DIAPH3: variants seen among roughly 807,000 people sequenced by gnomAD.
The protein encoded by DIAPH3 is protein diaphanous homolog 3.
A neutral mutation model predicts 144.3 loss-of-function variants in DIAPH3; 117 were observed. That is an observed-to-expected ratio of 0.81 (90% CI 0.70 to 0.95). The LOEUF is 0.95. DIAPH3 is among the 40% of genes least tolerant of loss of function. The probability of loss-of-function intolerance (pLI) is 0.00; values close to 1 mark genes in which losing one functional copy is unlikely to be tolerated. For synonymous variants in DIAPH3, 519 were observed against 488.9 expected, an observed-to-expected ratio of 1.06 and a Z score of -0.81; for missense variants, 1,421 against 1,412.7, an observed-to-expected ratio of 1.01 and a Z score of -0.09.
At chr13:59,908,166 C>T (rs912531926) in intron 20 of DIAPH3, among the ~76,000 whole-genome samples, 25 of 151,904 alleles carry the variant, frequency 1.6e-4, no homozygotes, top group African/African-American at 6.0e-4. Context: ...GTCAAGAGAT[C>T]AAGACCATCC....
At chr13:59,768,078 A>G (rs1379198436) in intron 27 of DIAPH3, among the ~76,000 whole-genome samples, 1 of 152,152 alleles carries the variant, frequency 6.6e-6, no homozygotes, top group East Asian at 1.9e-4. Context: ...TGTTTGAATA[A>G]ACTGTGAAAT....
intron 5 of DIAPH3, among the ~76,000 whole-genome samples, chr13:60,029,386 A>G (rs1006919565): frequency 4.0e-5 from 6 of 151,746 alleles, no homozygotes; most frequent in African/African-American, 1.5e-4. Context: ...CCTTCAATCA[A>G]TTCTCCCTAA....
At chr13:59,842,581 G>A (rs2042409799) in intron 22 of DIAPH3, among the ~76,000 whole-genome samples, 1 of 151,992 alleles carries the variant, frequency 6.6e-6, no homozygotes, top group Non-Finnish European at 1.5e-5. Flanking sequence ...GTGTCAGGCT[G>A]TACAGGTAGA....
At chr13:60,027,258 A>G (rs1017473272) in intron 5 of DIAPH3, among the ~76,000 whole-genome samples, 6 of 152,198 alleles carry the variant, frequency 3.9e-5, no homozygotes, top group African/African-American at 1.4e-4. Flanking sequence ...CCCAAATTAC[A>G]CTAAATTACA....
intron 21 of DIAPH3, among the ~76,000 whole-genome samples, chr13:59,873,035 A>C (rs1322422664): frequency 6.6e-6 from 1 of 152,244 alleles, no homozygotes; most frequent in Admixed American, 6.5e-5. Flanking sequence ...AGAAAAGCCA[A>C]TTAAATATTT....
At chr13:59,980,680 A>G (rs2050944931) in intron 14 of DIAPH3, 115 bp downstream of exon 14, 1 of 955,550 alleles carries the variant, frequency 1.0e-6, no homozygotes. Flanking sequence ...GCATCTATGC[A>G]CACACCTGAA....
Position 60,093,709 on chromosome 13 carries a change from A to C in DIAPH3, c.414T>G (p.Asp138Glu). 1.2e-6 allele frequency: 2 copies of C among 1,612,034 alleles called. No individual in the cohort carries two copies. The highest frequency in any genetic ancestry group is 1.8e-4 in the Middle Eastern group (1 of 5,656). The change falls in exon 4 of 28, where the codon GAT becomes GAG. Residue 138 changes from aspartate to glutamate, a missense_variant. Physicochemically the swap from Asp to Glu is conservative, Grantham distance 45. Coordinates refer to ENST00000400324, the MANE Select transcript of DIAPH3 (RefSeq NM_001042517.2). The part of the protein sequence containing the change: ...KMMEDMNLNE[D>E]KKAPLREKDF... ...CCTTTTCCCGCAATGGTGCCTTTTT[A>C]TCTTCATTTAAATTCATATCTTCCT...
chr13:60,008,695 A>C, intron 8 of DIAPH3, 46 bp from the exon 9 acceptor site: 1 of 1,162,496 alleles, frequency 8.6e-7, no homozygotes, highest in African/African-American at 1.5e-5. Context: ...GCAAACACAA[A>C]TGCCATAATA....
intron 1 of DIAPH3, among the ~76,000 whole-genome samples, chr13:60,136,472 CAA>C (rs34487556): frequency 3.5e-3 from 287 of 81,924 alleles, no homozygotes; most frequent in African/African-American, 0.011. Context: ...TTATATTTAC[CAA>C]AAAAAAAAAA....
At chr13:59,823,969 T>C (rs1041122424) in intron 24 of DIAPH3, among the ~76,000 whole-genome samples, 1 of 152,188 alleles carries the variant, frequency 6.6e-6, no homozygotes, top group Non-Finnish European at 1.5e-5. Context: ...TGATTTTATA[T>C]TTGTTCACAA....
At chr13:60,140,277 T>G (rs963165489) in intron 1 of DIAPH3, among the ~76,000 whole-genome samples, 1 of 152,220 alleles carries the variant, frequency 6.6e-6, no homozygotes, top group Admixed American at 6.5e-5. Context: ...GGAAACAATT[T>G]GGTAAAACAA....
At position 59,929,554 on chromosome 13, in the gene DIAPH3, C is replaced by CTTTTTTTTTTTTTTTTTTT. The variant is rs1167902415; in HGVS notation, c.2075-4703_2075-4685dup. ...TTTTTCTCCATATCTAAATTTTGTT[C>CTTTTTTTTTTTTTTTTTTT]TTTTTTTTTTTTTTTTTTTTTTTTT... On this transcript the variant is annotated intron_variant, in intron 17 of 27. Transcript: ENST00000400324. Among the ~76,000 whole-genome samples the CTTTTTTTTTTTTTTTTTTT allele has an allele frequency of 3.6e-5, 2 of 56,090 alleles. 1 individual carries two copies. The highest frequency in any genetic ancestry group is 6.9e-5 in the Non-Finnish European group (2 of 29,178). The allele number at this position is 56,090 out of a possible 152,430, so 36.8% of individuals were successfully genotyped here.
intron 13 of DIAPH3, among the ~76,000 whole-genome samples, chr13:59,981,189 C>T (rs1207471593): frequency 2.0e-5 from 3 of 150,436 alleles, no homozygotes; most frequent in East Asian, 2.0e-4. Flanking sequence ...TATAAACAAG[C>T]TTAAAAAAAA....
intron 4 of DIAPH3, among the ~76,000 whole-genome samples, chr13:60,077,997 A>G (rs2057432336): frequency 6.6e-6 from 1 of 152,112 alleles, no homozygotes; most frequent in South Asian, 2.1e-4. Flanking sequence ...GGATTTTTAA[A>G]CATCAGTCTC....
intron 24 of DIAPH3, among the ~76,000 whole-genome samples, chr13:59,819,968 T>C (rs2040976061): frequency 6.6e-6 from 1 of 151,932 alleles, no homozygotes; most frequent in Non-Finnish European, 1.5e-5. Flanking sequence ...AATGAAATAA[T>C]GCATGTAAAT....
chr13:59,761,485 AT>A (rs1032947599), intron 27 of DIAPH3, among the ~76,000 whole-genome samples: 22 of 151,928 alleles, frequency 1.4e-4, no homozygotes, highest in Admixed American at 1.3e-3. Flanking sequence ...CATTTCTATC[AT>A]TTTTTTTCGC....
At chr13:60,129,312 T>C (rs1360063179) in intron 2 of DIAPH3, among the ~76,000 whole-genome samples, 1 of 152,200 alleles carries the variant, frequency 6.6e-6, no homozygotes, top group East Asian at 1.9e-4. Flanking sequence ...AAGCTAAACA[T>C]TTATTCACCT....
intron 27 of DIAPH3, among the ~76,000 whole-genome samples, chr13:59,728,490 A>C (rs1426263714): frequency 6.6e-6 from 1 of 152,146 alleles, no homozygotes; most frequent in African/African-American, 2.4e-5. Context: ...AGATAGTGGT[A>C]ACATTAATTG....
chr13:59,840,203 C>G (rs1475145186), intron 22 of DIAPH3, among the ~76,000 whole-genome samples: 1 of 151,940 alleles, frequency 6.6e-6, no homozygotes, highest in Admixed American at 6.6e-5. Context: ...GTGACCTAAA[C>G]CAACTTTTAA....
Sources: gnomAD v4.1 joint callset for allele counts (sites outside exome capture counted in the v4.1 genomes callset) on GRCh38, gnomAD v4.1.1 for gene constraint, MANE v1.5 for transcripts, NCBI Gene and HGNC (gene_info 2026-07-23, HGNC 2026-07-21) for gene names.